The following MAN1C1 variants were observed in gnomAD, a reference collection of about 807,000 sequenced individuals.
MAN1C1 encodes the protein mannosyl-oligosaccharide 1,2-alpha-mannosidase IC.
A neutral mutation model predicts 71.5 loss-of-function variants in MAN1C1; 49 were observed. The ratio of observed to expected loss-of-function variants is 0.69; its 90% CI spans 0.54 to 0.87. The LOEUF is 0.87. Among genes scored for constraint, MAN1C1 ranks in the 40% least tolerant of loss-of-function variants. The pLI is 0.00. For missense variants in MAN1C1, 743 were observed against 835.0 expected, an observed-to-expected ratio of 0.89 and a Z score of 1.36; for synonymous variants, 352 against 343.7, an observed-to-expected ratio of 1.02 and a Z score of -0.27.
At chr1:25,619,843 C>T (rs1017947730) in intron 1 of MAN1C1, among the ~76,000 whole-genome samples, 1 of 152,196 alleles carries the variant, frequency 6.6e-6, no homozygotes, top group Non-Finnish European at 1.5e-5. Context: ...CTTTTTGCCC[C>T]TCTCGACCTC....
intron 2 of MAN1C1, among the ~76,000 whole-genome samples, chr1:25,720,978 A>G (rs2046757279): frequency 6.6e-6 from 1 of 152,172 alleles, no homozygotes; most frequent in Non-Finnish European, 1.5e-5. Context: ...TTAGTTGAGC[A>G]TAGTATCAGG....
intron 5 of MAN1C1, among the ~76,000 whole-genome samples, chr1:25,756,555 GCT>G (rs1466316512): frequency 6.6e-6 from 1 of 152,226 alleles, no homozygotes; most frequent in Non-Finnish European, 1.5e-5. Flanking sequence ...TATTCAGGAA[GCT>G]CTCTGAGACT....
At chr1:25,647,271 T>G (rs1313098783) in intron 1 of MAN1C1, among the ~76,000 whole-genome samples, 1 of 151,948 alleles carries the variant, frequency 6.6e-6, no homozygotes, top group Admixed American at 6.6e-5. Context: ...TGGGAGCATG[T>G]GGTGGGAAGC....
At chr1:25,627,135 T>G (rs190172699) in intron 1 of MAN1C1, among the ~76,000 whole-genome samples, 10 of 152,360 alleles carry the variant, frequency 6.6e-5, no homozygotes, top group African/African-American at 2.4e-4. Flanking sequence ...AAAAAAACTT[T>G]CCTTTCCCTG....
chr1:25,697,724 T>C lies in MAN1C1; in HGVS notation c.637+11188T>C, dbSNP rs1261576818. 2.6e-5 allele frequency among the ~76,000 whole-genome samples: 4 copies of C among 151,900 alleles called. No homozygotes were observed. In the East Asian group the frequency reaches 7.7e-4, roughly 29 times the overall value. On this transcript the variant is annotated intron_variant, in intron 2 of 11. Transcript: ENST00000374332. ...CATGTTTTTTGGTGGAAATGAGGAG[T>C]CGTTTATGTTGGAATACACCTAGGA...
chr1:25,754,238 G>A (rs1233966541), intron 5 of MAN1C1, among the ~76,000 whole-genome samples: 3 of 152,178 alleles, frequency 2.0e-5, no homozygotes, highest in African/African-American at 7.2e-5. Context: ...CACTGCACCA[G>A]ACTTCCCATC....
chr1:25,751,113 A>C (rs1393604057), intron 4 of MAN1C1, among the ~76,000 whole-genome samples: 1 of 129,412 alleles, frequency 7.7e-6, no homozygotes, highest in African/African-American at 3.0e-5. Context: ...CCTTCCATCC[A>C]TCTTTCCTTC....
At position 25,634,255 on chromosome 1, in the gene MAN1C1, G is replaced by A. The variant is rs543032674; in HGVS notation, c.540+15918G>A. ...TTCATTGCGCTGACTGGGACTTCCA[G>A]TTCAATGTTAAAAAGAAGTAGTGAG... On this transcript the variant is annotated intron_variant, in intron 1 of 11. Coordinates refer to ENST00000374332, the MANE Select transcript of MAN1C1 (RefSeq NM_020379.4). The surrounding 1 kb of genome is among the most constrained non-coding windows in gnomAD (Gnocchi z 4.6). Among the ~76,000 whole-genome samples the A allele has an allele frequency of 1.3e-5, 2 of 152,168 alleles. No individual in the cohort carries two copies. The highest frequency in any genetic ancestry group is 2.9e-5 in the Non-Finnish European group (2 of 68,008).
At chr1:25,665,048 C>G (rs1220168497) in intron 1 of MAN1C1, among the ~76,000 whole-genome samples, 1 of 152,176 alleles carries the variant, frequency 6.6e-6, no homozygotes, top group African/African-American at 2.4e-5. Flanking sequence ...ATTATAGGCC[C>G]CTCCATTCCC....
At chr1:25,665,307 C>G (rs917130145) in intron 1 of MAN1C1, among the ~76,000 whole-genome samples, 2 of 152,124 alleles carry the variant, frequency 1.3e-5, no homozygotes, top group African/African-American at 4.8e-5. Context: ...TGATACCTTC[C>G]TCTCAGCCAT....
intron 2 of MAN1C1, among the ~76,000 whole-genome samples, chr1:25,723,792 A>G (rs1053133116): frequency 6.6e-6 from 1 of 152,160 alleles, no homozygotes; most frequent in Non-Finnish European, 1.5e-5. Context: ...ATAAAGATTT[A>G]CCATTCAAAC....
chr1:25,639,625 C>A (rs565929777), intron 1 of MAN1C1, among the ~76,000 whole-genome samples: 1 of 152,216 alleles, frequency 6.6e-6, no homozygotes, highest in African/African-American at 2.4e-5. Context: ...AGCTTGTTGG[C>A]CTTATATGTA....
At chr1:25,640,712 G>A (rs1489294586) in intron 1 of MAN1C1, among the ~76,000 whole-genome samples, 1 of 152,090 alleles carries the variant, frequency 6.6e-6, no homozygotes, top group Non-Finnish European at 1.5e-5. Context: ...TCAGATACTG[G>A]CATTTTTGTG....
intron 1 of MAN1C1, among the ~76,000 whole-genome samples, chr1:25,664,462 G>T (rs2045893614): frequency 6.6e-6 from 1 of 152,092 alleles, no homozygotes; most frequent in Non-Finnish European, 1.5e-5. Flanking sequence ...TCCCCACGTT[G>T]AACATTATTC....
At chr1:25,781,212 A>G in intron 10 of MAN1C1, 100 bp downstream of exon 10, 3 of 1,308,066 alleles carry the variant, frequency 2.3e-6, no homozygotes, top group East Asian at 2.4e-5. Flanking sequence ...GTGGAAGGCC[A>G]AGCCACGTTG....
Position 25,769,921 on chromosome 1 carries a change from G to A in MAN1C1, c.1142-1736G>A, listed in dbSNP as rs2047524475. On this transcript the variant is annotated intron_variant, in intron 7 of 11. Coordinates refer to ENST00000374332, the MANE Select transcript of MAN1C1 (RefSeq NM_020379.4). The surrounding 1 kb of genome is among the most constrained non-coding windows in gnomAD (Gnocchi z 4.8). ...AATCCCCGTGGCCACCCTATGGGGA[G>A]GGACCGGGAGCAGGCTTGTGAGAAT... Among the ~76,000 whole-genome samples the A allele has an allele frequency of 6.6e-6, 1 of 152,192 alleles. No individual in the cohort carries two copies. Among genetic ancestry groups the A allele is most frequent in the African/African-American group, 2.4e-5 (1 of 41,456 alleles).
intron 6 of MAN1C1, chr1:25,761,731 T>A (rs807272): frequency 6.7e-6 from 1 of 150,230 alleles, no homozygotes; most frequent in Non-Finnish European, 1.5e-5. Context: ...CAAGCGATTC[T>A]CCTGTCTCAG....
chr1:25,626,009 C>CT (rs1379848230), intron 1 of MAN1C1, among the ~76,000 whole-genome samples: 41 of 152,190 alleles, frequency 2.7e-4, no homozygotes, highest in African/African-American at 9.4e-4. Context: ...ACCTGTTGGC[C>CT]TTTTGAGTTG....
At chr1:25,638,428 A>G (rs1052572288) in intron 1 of MAN1C1, among the ~76,000 whole-genome samples, 17 of 152,188 alleles carry the variant, frequency 1.1e-4, no homozygotes, top group Non-Finnish European at 2.1e-4. Context: ...TCTTAAATAA[A>G]TTAATAACTT....
Sources: allele counts gnomAD v4.1 joint callset (sites outside exome capture counted in the v4.1 genomes callset), GRCh38; gene constraint gnomAD v4.1.1; non-coding constraint Gnocchi (gnomAD v3.1); transcripts MANE v1.5; gene names NCBI Gene and HGNC (gene_info 2026-07-23, HGNC 2026-07-21).